Variants in RNF19A observed in about 807,000 individuals in gnomAD.
RNF19A encodes ring finger protein 19A, RBR E3 ubiquitin protein ligase, also known as E3 ubiquitin-protein ligase RNF19A.
In RNF19A, 32 loss-of-function variants were observed where a neutral mutation model predicts 75.7. The ratio of observed to expected loss-of-function variants is 0.42; its 90% confidence interval spans 0.32 to 0.57. The LOEUF (loss-of-function observed/expected upper bound fraction) is 0.57, where lower values mean the gene tolerates loss of function less well. RNF19A is among the 20% of genes least tolerant of loss of function. The pLI, the probability that RNF19A is intolerant of heterozygous loss-of-function variation, is 0.10. For synonymous variants in RNF19A, 335 were observed against 345.2 expected, an observed-to-expected ratio of 0.97 and a Z score of 0.33; for missense variants, 782 against 1,036.3, an observed-to-expected ratio of 0.75 and a Z score of 3.37.
intron 7 of RNF19A, among the ~76,000 whole-genome samples, chr8:100,263,675 T>C (rs749054147): frequency 5.3e-5 from 8 of 152,260 alleles, no homozygotes; most frequent in Non-Finnish European, 1.0e-4. Context: ...TTTCTTTGAA[T>C]AACATTGAGT....
At position 100,275,041 on chromosome 8, in the gene RNF19A, A is replaced by G; in HGVS notation, c.795T>C (p.Asp265=). The part of the protein sequence containing the change: ...KQIWHPNQTC[D]AARQERAQSL... ...TCTGGGCTCTCTCTTGTCGAGCAGC[A>G]TCACAGGTCTGGTTGGGGTGCCAAA... The change falls in exon 3 of 10, where the codon GAT becomes GAC. Residue 265 remains aspartate, a synonymous_variant. Transcript: ENST00000341084. This position sits in a 1 kb window ranked among gnomAD's most constrained non-coding sequence, Gnocchi z 4.3. 6.2e-7 allele frequency: 1 copy of G among 1,614,196 alleles called. No individual in the cohort carries two copies. The highest frequency in any genetic ancestry group is 8.5e-7 in the Non-Finnish European group (1 of 1,180,020).
At chr8:100,276,913 T>A (rs1012371935) in intron 2 of RNF19A, among the ~76,000 whole-genome samples, 1 of 152,060 alleles carries the variant, frequency 6.6e-6, no homozygotes, top group Admixed American at 6.5e-5. Context: ...GTAGATTGTG[T>A]CTATGCCAAT....
chr8:100,308,605 T>C (rs1029428991), intron 1 of RNF19A, among the ~76,000 whole-genome samples: 1 of 151,928 alleles, frequency 6.6e-6, no homozygotes, highest in Non-Finnish European at 1.5e-5. Context: ...AGGCAAACCG[T>C]CAGACTTCAA....
intron 2 of RNF19A, among the ~76,000 whole-genome samples, chr8:100,281,399 T>C (rs1231015230): frequency 6.6e-6 from 1 of 152,210 alleles, no homozygotes; most frequent in Admixed American, 6.5e-5. Flanking sequence ...GTCTGCAGTA[T>C]TTTCTTAATT....
At chr8:100,289,024 C>A (rs1005736251) in intron 1 of RNF19A, among the ~76,000 whole-genome samples, 22 of 143,690 alleles carry the variant, frequency 1.5e-4, no homozygotes, top group Non-Finnish European at 4.5e-5. Flanking sequence ...TGCGCCGCTG[C>A]ACTCCACCCT....
intron 1 of RNF19A, among the ~76,000 whole-genome samples, chr8:100,305,513 A>G (rs966206064): frequency 6.6e-6 from 1 of 152,250 alleles, no homozygotes. Flanking sequence ...ATGCATTATG[A>G]AAACTAATTT....
At chr8:100,311,276 A>G (rs1300256853), upstream of RNF19A, among the ~76,000 whole-genome samples, 3 of 152,130 alleles carry the variant, frequency 2.0e-5, no homozygotes, top group Non-Finnish European at 4.4e-5. Flanking sequence ...GGGTATGTTT[A>G]TTTTCATTTA....
At chr8:100,306,957 C>T (rs947486422) in intron 1 of RNF19A, among the ~76,000 whole-genome samples, 4 of 152,224 alleles carry the variant, frequency 2.6e-5, no homozygotes, top group African/African-American at 9.6e-5. Flanking sequence ...TGAAGTACTA[C>T]TCCATATATA....
chr8:100,319,431 G>A (rs892143372), intron 1 of RNF19A, among the ~76,000 whole-genome samples: 1 of 151,586 alleles, frequency 6.6e-6, no homozygotes, highest in African/African-American at 2.4e-5. Flanking sequence ...ATGAAACATA[G>A]AAATGGAGTT....
rs764751253 is a variant in RNF19A at position 100,259,911 on chromosome 8, T to C, written c.1769A>G (p.Asn590Ser). 3 of 1,613,836 alleles carry C rather than the reference T, an allele frequency of 1.9e-6. No individual in the cohort carries two copies. In the African/African-American group the frequency reaches 4.0e-5, roughly 22 times the overall value. ...GTVSLGTVSD[N>S]ASTKAMAGSI... ...TCCTGCCATTGCTTTGGTGCTGGCA[T>C]TATCACTAACTGTTCCCAAGCTGAC... The change falls in exon 9 of 10, where the codon AAT becomes AGT. Residue 590 changes from asparagine (N) to serine (S), a missense_variant. Physicochemically the swap from Asn to Ser is conservative, Grantham distance 46 (BLOSUM62 1). Coordinates refer to ENST00000341084, the MANE Select transcript of RNF19A (RefSeq NM_183419.4). The surrounding 1 kb of genome is among the most constrained non-coding windows in gnomAD (Gnocchi z 4.5).
chr8:100,269,555 T>TA lies in RNF19A; in HGVS notation c.1028+313_1028+314insT, dbSNP rs1820154193. 6.6e-6 allele frequency among the ~76,000 whole-genome samples: 1 copy of TA among 152,086 alleles called. No individual in the cohort carries two copies. The highest frequency in any genetic ancestry group is 1.9e-4 in the East Asian group (1 of 5,202). The stretch of plus-strand genomic sequence containing the variant: ...CTGATTATATCATAAACTCACTCTG[T>TA]GCCTAAATGATAAAATTTATGTATG... On this transcript the variant is annotated intron_variant, in intron 4 of 9. Coordinates refer to ENST00000341084, the MANE Select transcript of RNF19A (RefSeq NM_183419.4). This position sits in a 1 kb window ranked among gnomAD's most constrained non-coding sequence, Gnocchi z 5.7.
intron 1 of RNF19A, among the ~76,000 whole-genome samples, chr8:100,318,416 T>C (rs1199328667): frequency 6.6e-6 from 1 of 152,258 alleles, no homozygotes; most frequent in African/African-American, 2.4e-5. Flanking sequence ...CGTGCTATAT[T>C]TTATGTATAT....
At chr8:100,309,356 T>A (rs1406161619) in intron 1 of RNF19A, 1 of 985,820 alleles carries the variant, frequency 1.0e-6, no homozygotes, top group Non-Finnish European at 1.2e-6. Context: ...TGCGGGGCGA[T>A]GTCCCGGCTC....
chr8:100,335,351 G>A (rs1822666075), intron 1 of RNF19A, among the ~76,000 whole-genome samples: 1 of 152,106 alleles, frequency 6.6e-6, no homozygotes, highest in Admixed American at 6.5e-5. Flanking sequence ...TTATCTATGA[G>A]GAAATTGAGG....
rs1586706394 is a variant in RNF19A, at chr8:100,333,765, C to T, written c.-243+2343G>A. The stretch of plus-strand genomic sequence containing the variant: ...CCCAGGAGTTCAATGGTGTAGCCAG[C>T]TATGATTATGCCACTGCACTCCAGC... On this transcript the variant is annotated intron_variant, in intron 1 of 3. Transcript: ENST00000519527. This position sits in a 1 kb window ranked among gnomAD's most constrained non-coding sequence, Gnocchi z 4.7. 6.6e-6 allele frequency among the ~76,000 whole-genome samples: 1 copy of T among 152,160 alleles called. No homozygotes were observed. The highest frequency in any genetic ancestry group is 1.9e-4 in the East Asian group (1 of 5,200).
Position 100,272,177 on chromosome 8 carries a change from T to C in RNF19A, c.884-2164A>G, listed in dbSNP as rs553426258. On this transcript the variant is annotated intron_variant, in intron 3 of 9. Coordinates refer to ENST00000341084, the MANE Select transcript of RNF19A (RefSeq NM_183419.4). The stretch of plus-strand genomic sequence containing the variant: ...ACTACATTAACAAAAATGAAAAATA[T>C]GTGGTTCATTTAAAATTTAACTCCA... 4.6e-5 allele frequency among the ~76,000 whole-genome samples: 7 copies of C among 152,270 alleles called. No individual in the cohort carries two copies. In the East Asian group the frequency reaches 1.3e-3, roughly 29 times the overall value.
Position 100,332,505 on chromosome 8 carries a change from C to T in RNF19A, c.-243+3603G>A, listed in dbSNP as rs557852912. ...AAATCTCTTTCCTTTATAAATTACT[C>T]AGTTTCAGGGAAGTTCTTTATAGCA... On this transcript the variant is annotated intron_variant, in intron 1 of 3. Coordinates refer to the RNF19A transcript ENST00000519527. The surrounding 1 kb of genome is among the most constrained non-coding windows in gnomAD (Gnocchi z 4.8). 6.6e-6 allele frequency among the ~76,000 whole-genome samples: 1 copy of T among 152,322 alleles called. No individual in the cohort carries two copies. The highest frequency in any genetic ancestry group is 6.5e-5 in the Admixed American group (1 of 15,302).
In RNF19A at chr8:100,318,921, A is replaced by G. The variant is rs142229355; in HGVS notation, c.-242-5549T>C. 6.5e-3 allele frequency among the ~76,000 whole-genome samples: 989 copies of G among 152,352 alleles called. 7 individuals carry two copies. The highest frequency in any genetic ancestry group is 0.014 in the Middle Eastern group (4 of 292). On this transcript the variant is annotated intron_variant, in intron 1 of 3. Coordinates refer to the RNF19A transcript ENST00000519527. Reference sequence around the variant, plus strand: ...CAGATGATAACAGTGACCCACAAGAAGGAATTATGGCCAGAAGCACATGGC... The same window carrying G: ...CAGATGATAACAGTGACCCACAAGAGGGAATTATGGCCAGAAGCACATGGC...
At position 100,287,990 on chromosome 8, in the gene RNF19A, T is replaced by C. The variant is rs765128562; in HGVS notation, c.185A>G (p.Lys62Arg). ...SLPSVKKAPK[K>R]RRISIGSLFR... is the part of the protein sequence containing the mutation. ...CAGGGAGCCTATTGAAATTCTTCTT[T>C]TTTTGGGTGCCTTTTTGACTGAAGG... The change falls in exon 2 of 10, where the codon AAA becomes AGA. Residue 62 changes from lysine to arginine, a missense_variant. By Grantham distance (26) the Lys-to-Arg change is conservative. Coordinates refer to ENST00000341084, the MANE Select transcript of RNF19A (RefSeq NM_183419.4). The surrounding 1 kb of genome is among the most constrained non-coding windows in gnomAD (Gnocchi z 4.1). 6 of 1,614,182 alleles carry C rather than the reference T, an allele frequency of 3.7e-6. No homozygotes were observed. The highest frequency in any genetic ancestry group is 1.1e-5 in the South Asian group (1 of 91,088).
Sources: gnomAD v4.1 joint callset for allele counts (sites outside exome capture counted in the v4.1 genomes callset) on GRCh38, gnomAD v4.1.1 for gene constraint, Gnocchi (gnomAD v3.1) non-coding constraint, MANE v1.5 for transcripts, NCBI Gene and HGNC (gene_info 2026-07-23, HGNC 2026-07-21) for gene names.